Variants in CSMD1 observed in about 807,000 individuals in gnomAD.
The protein encoded by CSMD1 is CUB and sushi domain-containing protein 1.
In CSMD1, 213 loss-of-function variants were observed where a neutral mutation model predicts 417.5. That is an observed-to-expected ratio of 0.51 (90% CI 0.46 to 0.57). The LOEUF (loss-of-function observed/expected upper bound fraction) is 0.57, where lower values mean the gene tolerates loss of function less well. Among genes scored for constraint, CSMD1 ranks in the 20% least tolerant of loss-of-function variants. The probability of loss-of-function intolerance (pLI) is 0.00; values close to 1 mark genes in which losing one functional copy is unlikely to be tolerated. For synonymous variants in CSMD1, 2,862 were observed against 1,736.8 expected (o/e 1.65, Z -16.11); for missense variants, 6,923 against 4,529.7 (o/e 1.53, Z -15.17).
rs1799052103 is a variant in CSMD1 at position 3,671,539 on chromosome 8, ATATATGAT to A, written c.1009+36867_1009+36874del. Among the ~76,000 whole-genome samples, 4 of 5,480 alleles carry A rather than the reference ATATATGAT, an allele frequency of 7.3e-4. 1 individual carries two copies. Among genetic ancestry groups the A allele is most frequent in the African/African-American group, 1.1e-3 (1 of 948 alleles). The allele number at this position is 5,480 out of a possible 152,430, so 3.6% of individuals were successfully genotyped here. ...ATCATATATATGATCATATATATAT[ATATATGAT>A]CATATATATGATCATATATATATAT... On this transcript the variant is annotated intron_variant, in intron 7 of 69. Coordinates refer to ENST00000635120, the MANE Select transcript of CSMD1 (RefSeq NM_033225.6).
chr8:3,130,565 C>G (rs77712380), intron 41 of CSMD1, among the ~76,000 whole-genome samples: 4,456 of 152,248 alleles, frequency 0.029, 122 homozygotes, highest in African/African-American at 0.077. Context: ...AGCCAAATCC[C>G]CAGGCCCCCT....
At chr8:3,195,514 G>A (rs1796656279) in intron 33 of CSMD1, among the ~76,000 whole-genome samples, 1 of 152,212 alleles carries the variant, frequency 6.6e-6, no homozygotes, top group South Asian at 2.1e-4. Context: ...AACAGTTTGT[G>A]TGATGTTCGG....
intron 54 of CSMD1, among the ~76,000 whole-genome samples, chr8:2,980,743 G>A (rs1193871212): frequency 6.6e-6 from 1 of 152,208 alleles, no homozygotes; most frequent in Non-Finnish European, 1.5e-5. Context: ...GTGGAAAGAG[G>A]TGCGCAGGAG....
chr8:3,844,265 G>C (rs994876969), intron 5 of CSMD1, among the ~76,000 whole-genome samples: 2 of 152,166 alleles, frequency 1.3e-5, no homozygotes, highest in Non-Finnish European at 2.9e-5. Context: ...CCTGACGGAT[G>C]GGTGGGTGAT....
intron 7 of CSMD1, among the ~76,000 whole-genome samples, chr8:3,665,609 T>G (rs747238128): frequency 9.9e-5 from 15 of 152,168 alleles, no homozygotes; most frequent in Non-Finnish European, 2.2e-4. Context: ...AGTAATTGAC[T>G]CAGTAGGGTT....
intron 10 of CSMD1, among the ~76,000 whole-genome samples, chr8:3,511,572 T>C (rs1323751095): frequency 6.6e-6 from 1 of 151,336 alleles, no homozygotes; most frequent in African/African-American, 2.4e-5. Flanking sequence ...CCGGCCAAAA[T>C]GGTGAAACCC....
chr8:3,797,691 C>G (rs148171145), intron 5 of CSMD1, among the ~76,000 whole-genome samples: 154 of 151,968 alleles, frequency 1.0e-3, no homozygotes, highest in African/African-American at 3.2e-3. Context: ...GATTGTTTCA[C>G]CTTTTGGCTA....
chr8:4,023,137 G>T (rs1796872999), intron 4 of CSMD1, among the ~76,000 whole-genome samples: 1 of 152,170 alleles, frequency 6.6e-6, no homozygotes. Context: ...TCTAATGTGT[G>T]GAGGAACTGC....
intron 38 of CSMD1, among the ~76,000 whole-genome samples, chr8:3,158,937 C>T (rs150149780): frequency 2.1e-3 from 321 of 152,208 alleles, no homozygotes; most frequent in Non-Finnish European, 3.6e-3. Flanking sequence ...AATGGCAAAC[C>T]GATTCCCTAA....
chr8:3,926,748 G>A (rs957808153), intron 5 of CSMD1, among the ~76,000 whole-genome samples: 12 of 102,654 alleles, frequency 1.2e-4, no homozygotes, highest in East Asian at 2.9e-4. Context: ...ATGGAGTCCC[G>A]CTCTGTAGCC....
At chr8:4,305,010 T>C (rs1055838203) in intron 3 of CSMD1, among the ~76,000 whole-genome samples, 1 of 152,182 alleles carries the variant, frequency 6.6e-6, no homozygotes, top group Non-Finnish European at 1.5e-5. Context: ...CAGGACCCAC[T>C]ACAAACACAC....
intron 1 of CSMD1, among the ~76,000 whole-genome samples, chr8:4,861,850 A>G (rs1204053942): frequency 6.6e-6 from 1 of 152,108 alleles, no homozygotes; most frequent in Non-Finnish European, 1.5e-5. Flanking sequence ...GTGAGAAACA[A>G]TGGTTAGTTC....
At chr8:4,220,118 T>C (rs1473035579) in intron 3 of CSMD1, among the ~76,000 whole-genome samples, 3 of 151,956 alleles carry the variant, frequency 2.0e-5, no homozygotes, top group African/African-American at 7.3e-5. Context: ...CCCAGCTGAT[T>C]TTTTGTATTT....
At chr8:3,104,268 C>T (rs1465474961) in intron 46 of CSMD1, among the ~76,000 whole-genome samples, 1 of 152,098 alleles carries the variant, frequency 6.6e-6, no homozygotes, top group Non-Finnish European at 1.5e-5. Flanking sequence ...AGGAAAGAAT[C>T]CATAAATAGA....
At chr8:3,571,116 C>G (rs1799924856) in intron 10 of CSMD1, among the ~76,000 whole-genome samples, 1 of 152,292 alleles carries the variant, frequency 6.6e-6, no homozygotes, top group South Asian at 2.1e-4. Flanking sequence ...GGTGGAAGAT[C>G]ATTCTCACGA....
chr8:4,739,782 A>G (rs1021290128), intron 1 of CSMD1, among the ~76,000 whole-genome samples: 3 of 151,886 alleles, frequency 2.0e-5, no homozygotes, highest in Non-Finnish European at 2.9e-5. Context: ...CTCTCTTTGG[A>G]GTCCTTTTTC....
intron 2 of CSMD1, among the ~76,000 whole-genome samples, chr8:4,505,313 G>A (rs1173680996): frequency 6.6e-6 from 1 of 152,080 alleles, no homozygotes; most frequent in Non-Finnish European, 1.5e-5. Context: ...AGGTAAAAGA[G>A]AAACAGAAAA....
intron 3 of CSMD1, among the ~76,000 whole-genome samples, chr8:4,147,771 G>C (rs1055055316): frequency 3.3e-5 from 5 of 152,054 alleles, no homozygotes; most frequent in African/African-American, 1.2e-4. Flanking sequence ...GACTTGCCAT[G>C]TGAGATCAGA....
chr8:4,570,385 G>T (rs1039433749), intron 2 of CSMD1, among the ~76,000 whole-genome samples: 1 of 152,074 alleles, frequency 6.6e-6, no homozygotes, highest in Non-Finnish European at 1.5e-5. Context: ...TGCATCTATC[G>T]GGATAATCAT....
Sources: gnomAD v4.1 joint callset for allele counts (sites outside exome capture counted in the v4.1 genomes callset) on GRCh38, gnomAD v4.1.1 for gene constraint, MANE v1.5 for transcripts, NCBI Gene and HGNC (gene_info 2026-07-23, HGNC 2026-07-21) for gene names.